The following PPP1R13B variants were observed in gnomAD, a reference collection of about 807,000 sequenced individuals.
The protein encoded by PPP1R13B is protein phosphatase 1 regulatory subunit 13B.
PPP1R13B carries 44 observed loss-of-function variants against 119.8 expected under a neutral mutation model. The ratio of observed to expected loss-of-function variants is 0.37; its 90% confidence interval spans 0.29 to 0.47. PPP1R13B has a LOEUF of 0.47. Among genes scored for constraint, PPP1R13B ranks in the 20% least tolerant of loss-of-function variants. The probability of loss-of-function intolerance (pLI) is 0.99; values close to 1 mark genes in which losing one functional copy is unlikely to be tolerated. For missense variants in PPP1R13B, 1,227 were observed against 1,413.5 expected, an observed-to-expected ratio of 0.87 and a Z score of 2.12; for synonymous variants, 542 against 561.5, an observed-to-expected ratio of 0.97 and a Z score of 0.49.
upstream of PPP1R13B, among the ~76,000 whole-genome samples, chr14:103,848,761 C>G (rs1027504460): frequency 2.0e-5 from 3 of 149,274 alleles, no homozygotes; most frequent in African/African-American, 7.7e-5. Flanking sequence ...CAGCCCATTC[C>G]TGGGGAGCCA....
In PPP1R13B at chr14:103,734,977, G is replaced by C. The variant is rs2084057635; in HGVS notation, c.*177C>G. The C allele has an allele frequency of 2.6e-6, 2 of 764,990 alleles. No individual in the cohort carries two copies. The highest frequency in any genetic ancestry group is 1.7e-5 in the African/African-American group (1 of 58,348). The allele number at this position is 764,990 out of a possible 1,614,324, so 47.4% of individuals were successfully genotyped here. On this transcript the variant is annotated 3_prime_UTR_variant, in exon 17 of 17. Coordinates refer to ENST00000202556, the MANE Select transcript of PPP1R13B (RefSeq NM_015316.3). ...CGAAAGTACCTCTCCCAGTTAATGG[G>C]CAAACTGGAGAAAGGGCCTCACCTG...
chr14:103,799,446 G>C (rs1338269062), intron 1 of PPP1R13B, among the ~76,000 whole-genome samples: 1 of 152,038 alleles, frequency 6.6e-6, no homozygotes, highest in Non-Finnish European at 1.5e-5. Context: ...CCAAAATGCT[G>C]GGATTACAGG....
chr14:103,776,335 T>C (rs1232414105), intron 4 of PPP1R13B, among the ~76,000 whole-genome samples: 2 of 152,116 alleles, frequency 1.3e-5, no homozygotes, highest in African/African-American at 4.8e-5. Flanking sequence ...TTTAAGTATA[T>C]GAGGTAGGGT....
At chr14:103,786,283 C>A (rs2085460202) in intron 2 of PPP1R13B, among the ~76,000 whole-genome samples, 1 of 152,106 alleles carries the variant, frequency 6.6e-6, no homozygotes, top group South Asian at 2.1e-4. Flanking sequence ...CTCAAGCAAT[C>A]TGCCTGCCTC....
chr14:103,755,048 C>T (rs2084642627), intron 5 of PPP1R13B, among the ~76,000 whole-genome samples: 1 of 152,150 alleles, frequency 6.6e-6, no homozygotes, highest in Admixed American at 6.5e-5. Context: ...TCCCAAAGTG[C>T]TGGGATTACA....
chr14:103,742,419 G>A lies in PPP1R13B; in HGVS notation c.1321-128C>T. 1 of 1,358,338 alleles carries A rather than the reference G, an allele frequency of 7.4e-7. No individual in the cohort carries two copies. The highest frequency in any genetic ancestry group is 1.5e-5 in the African/African-American group (1 of 68,788). 84.1% of individuals were successfully genotyped at this position (1,358,338 alleles called of 1,614,324 possible). On this transcript the variant is annotated intron_variant, in intron 10 of 16. Coordinates refer to ENST00000202556, the MANE Select transcript of PPP1R13B (RefSeq NM_015316.3). The surrounding 1 kb of genome is among the most constrained non-coding windows in gnomAD (Gnocchi z 4.9). ...TCAAATTGGCTGTGACCAGGACTTGGGGCACACTGTTGAGCTCATTGCCTG... is the reference window on the plus strand; with the variant it reads ...TCAAATTGGCTGTGACCAGGACTTGAGGCACACTGTTGAGCTCATTGCCTG...
chr14:103,811,218 CTA>C (rs1031395604), intron 1 of PPP1R13B, among the ~76,000 whole-genome samples: 1 of 151,432 alleles, frequency 6.6e-6, no homozygotes, highest in African/African-American at 2.4e-5. Flanking sequence ...AAACCACAGA[CTA>C]TGACCTCTTA....
intron 7 of PPP1R13B, 120 bp downstream of exon 7, chr14:103,752,880 C>T: frequency 9.2e-7 from 1 of 1,087,034 alleles, no homozygotes; most frequent in East Asian, 2.5e-5. Context: ...ATATCTTGTG[C>T]CTATTATTAA....
chr14:103,754,218 T>C lies in PPP1R13B; in HGVS notation c.483A>G (p.Gln161=), dbSNP rs773940077. Residue 161 remains glutamine (Q), a synonymous_variant, in exon 6 of 17, where the codon CAA becomes CAG. Coordinates refer to ENST00000202556, the MANE Select transcript of PPP1R13B (RefSeq NM_015316.3). ...AKEQRLHFLK[Q]QERRQQQSIS... is the part of the protein sequence containing the mutation. ...TAGACTGCTGCTGACGGCGCTCCTG[T>C]TGCTTTAGAAAATGTAAACGCTGTT... 3 of 1,612,922 alleles carry C rather than the reference T, an allele frequency of 1.9e-6. No individual in the cohort carries two copies. The highest frequency in any genetic ancestry group is 1.1e-5 in the South Asian group (1 of 90,864).
intron 1 of PPP1R13B, among the ~76,000 whole-genome samples, chr14:103,811,017 C>T (rs139158256): frequency 0.013 from 1,831 of 146,402 alleles, 42 homozygotes; most frequent in African/African-American, 0.044. Context: ...TGCTTAAACC[C>T]GGGAGGCAGA....
Position 103,736,068 on chromosome 14 carries a change from C to CGCTTTCGTCCTTGCGCCTCAG in PPP1R13B, c.3145_3165dup (p.Leu1049_Ser1055dup). 6.2e-7 allele frequency: 1 copy of CGCTTTCGTCCTTGCGCCTCAG among 1,614,238 alleles called. No homozygotes were observed. The highest frequency in any genetic ancestry group is 1.7e-5 in the Admixed American group (1 of 60,030). On this transcript the variant is annotated inframe_insertion, in exon 16 of 17. Coordinates refer to ENST00000202556, the MANE Select transcript of PPP1R13B (RefSeq NM_015316.3). ...AGGCGAGCCCACCACCACTCAGTCT[C>CGCTTTCGTCCTTGCGCCTCAG]GCTTTCGTCCTTGCGCCTCAGGATG...
In PPP1R13B at chr14:103,754,778, T is replaced by C. The variant is rs370259020; in HGVS notation, c.457-534A>G. Reference sequence around the variant, plus strand: ...TTTTTAAGAGAGAGGGTTTTCTTTTTCTTCTTTTTTTTTTCTTTTGAGACG... The same window carrying C: ...TTTTTAAGAGAGAGGGTTTTCTTTTCCTTCTTTTTTTTTTCTTTTGAGACG... On this transcript the variant is annotated intron_variant, in intron 5 of 16. Coordinates refer to ENST00000202556, the MANE Select transcript of PPP1R13B (RefSeq NM_015316.3). Among the ~76,000 whole-genome samples, 314 of 151,546 alleles carry C rather than the reference T, an allele frequency of 2.1e-3. 1 individual carries two copies. The highest frequency in any genetic ancestry group is 7.4e-3 in the African/African-American group (307 of 41,410).
chr14:103,765,261 C>T (rs981053242), intron 4 of PPP1R13B, among the ~76,000 whole-genome samples: 1 of 152,138 alleles, frequency 6.6e-6, no homozygotes, highest in Non-Finnish European at 1.5e-5. Context: ...TTGAAATAAA[C>T]TGTAACCTAG....
chr14:103,758,122 G>GC (rs1039501382), intron 4 of PPP1R13B, among the ~76,000 whole-genome samples: 1 of 152,132 alleles, frequency 6.6e-6, no homozygotes, highest in African/African-American at 2.4e-5. Context: ...TGCAGGTAAC[G>GC]CCTAAGAACA....
chr14:103,740,740 G>A lies in PPP1R13B; in HGVS notation c.1823-147C>T. ...TCAATTCTCATTTCAAATCTCTGAG[G>A]AAACCTCCCCCTCTTAGAGCCTCCA... On this transcript the variant is annotated intron_variant, in intron 11 of 16. Transcript: ENST00000202556. The surrounding 1 kb of genome is among the most constrained non-coding windows in gnomAD (Gnocchi z 4.6). The A allele has an allele frequency of 7.2e-6, 5 of 699,086 alleles. No individual in the cohort carries two copies. The highest frequency in any genetic ancestry group is 1.0e-5 in the Non-Finnish European group (5 of 487,512). 43.3% of individuals were successfully genotyped at this position (699,086 alleles called of 1,614,324 possible). A position where few individuals can be genotyped will look rare whatever the true frequency, so the allele number is the denominator to read the frequency against.
chr14:103,832,977 G>A (rs1394746148), intron 1 of PPP1R13B, among the ~76,000 whole-genome samples: 1 of 149,838 alleles, frequency 6.7e-6, no homozygotes, highest in African/African-American at 2.5e-5. Context: ...GCGAGATTAT[G>A]TCTCCAAAAA....
At chr14:103,842,822 C>A (rs1415837409) in intron 1 of PPP1R13B, among the ~76,000 whole-genome samples, 1 of 151,272 alleles carries the variant, frequency 6.6e-6, no homozygotes, top group Non-Finnish European at 1.5e-5. Context: ...ACTAAACATG[C>A]TAAAATTAGC....
intron 2 of PPP1R13B, among the ~76,000 whole-genome samples, chr14:103,785,220 CATTT>C (rs528520886): frequency 3.1e-5 from 4 of 127,236 alleles, no homozygotes; most frequent in East Asian, 4.4e-4. Flanking sequence ...GTCTCCCATT[CATTT>C]GTTTGTTTGG....
chr14:103,831,610 C>T (rs1462817225), intron 1 of PPP1R13B, among the ~76,000 whole-genome samples: 1 of 150,924 alleles, frequency 6.6e-6, no homozygotes, highest in Non-Finnish European at 1.5e-5. Context: ...CATGCTCGGC[C>T]TCTTTTGCCT....
Sources: allele counts gnomAD v4.1 joint callset (sites outside exome capture counted in the v4.1 genomes callset), GRCh38; gene constraint gnomAD v4.1.1; non-coding constraint Gnocchi (gnomAD v3.1); transcripts MANE v1.5; gene names NCBI Gene and HGNC (gene_info 2026-07-23, HGNC 2026-07-21).